LYRM4: variants seen among roughly 807,000 people sequenced by gnomAD.
The protein encoded by LYRM4 is LYR motif containing 4.
In LYRM4, 9 loss-of-function variants were observed where a neutral mutation model predicts 11.7. The ratio of observed to expected loss-of-function variants is 0.77; its 90% confidence interval spans 0.46 to 1.34. The LOEUF (loss-of-function observed/expected upper bound fraction) is 1.34, where lower values mean the gene tolerates loss of function less well. Ranked by LOEUF, LYRM4 falls within the 40% of genes most tolerant of loss-of-function variation. LYRM4 has a pLI of 0.00. For synonymous variants in LYRM4, 42 were observed against 40.4 expected (o/e 1.04, Z -0.15); for missense variants, 133 against 112.5 (o/e 1.18, Z -0.82).
the LYRM4 span, among the ~76,000 whole-genome samples, chr6:5,046,258 T>A: frequency 1.1e-4 from 17 of 152,246 alleles, no homozygotes; most frequent in African/African-American, 3.9e-4. Flanking sequence ...GCCATTCTCC[T>A]GCCTCAGCCT....
At chr6:5,086,281 G>C in the LYRM4 span, 1 of 1,535,578 alleles carries the variant, frequency 6.5e-7, no homozygotes. Flanking sequence ...CGTGCCGGCT[G>C]AGCTGCAGCC....
intron 2 of LYRM4, among the ~76,000 whole-genome samples, chr6:5,165,788 C>G (rs553491042): frequency 3.9e-5 from 6 of 152,278 alleles, no homozygotes; most frequent in Non-Finnish European, 8.8e-5. Flanking sequence ...GGTGATCTAC[C>G]TGCCTCGGCC....
At chr6:5,246,555 G>C (rs1764205377) in intron 1 of LYRM4, among the ~76,000 whole-genome samples, 1 of 152,208 alleles carries the variant, frequency 6.6e-6, no homozygotes, top group South Asian at 2.1e-4. Flanking sequence ...ACAGTAAGGA[G>C]GGCAGGGTGC....
chr6:5,210,910 T>C (rs1761956901), intron 2 of LYRM4, among the ~76,000 whole-genome samples: 1 of 152,186 alleles, frequency 6.6e-6, no homozygotes, highest in East Asian at 1.9e-4. Flanking sequence ...TATCCATTCA[T>C]TGTTGATGGA....
intron 2 of LYRM4, among the ~76,000 whole-genome samples, chr6:5,210,252 A>G (rs1438190897): frequency 6.6e-6 from 1 of 152,210 alleles, no homozygotes; most frequent in Non-Finnish European, 1.5e-5. Flanking sequence ...TAAATAGAGA[A>G]GAAGGGGACA....
chr6:5,229,834 T>G (rs1388656123), intron 1 of LYRM4, among the ~76,000 whole-genome samples: 1 of 152,194 alleles, frequency 6.6e-6, no homozygotes, highest in Non-Finnish European at 1.5e-5. Flanking sequence ...ACATCACCAT[T>G]CTATAGCAGA....
the LYRM4 span, among the ~76,000 whole-genome samples, chr6:5,091,318 C>T: frequency 6.6e-6 from 1 of 152,176 alleles, no homozygotes; most frequent in South Asian, 2.1e-4. Context: ...GCTTGGAAAC[C>T]TGGGACACAC....
At chr6:5,077,240 C>G in the LYRM4 span, among the ~76,000 whole-genome samples, 2 of 152,244 alleles carry the variant, frequency 1.3e-5, no homozygotes, top group Admixed American at 6.5e-5. Context: ...AAGACATGGT[C>G]TCTGTCATAC....
intron 2 of LYRM4, among the ~76,000 whole-genome samples, chr6:5,130,955 A>G (rs999101631): frequency 1.3e-5 from 2 of 152,268 alleles, no homozygotes; most frequent in Admixed American, 1.3e-4. Context: ...ATAACATAAG[A>G]CAGAATAAAA....
intron 2 of LYRM4, among the ~76,000 whole-genome samples, chr6:5,114,853 T>C (rs72809834): frequency 0.013 from 1,939 of 152,296 alleles, 19 homozygotes; most frequent in South Asian, 0.027. Flanking sequence ...AGGCTGTGGG[T>C]TGGACAAGCT....
At chr6:5,214,523 A>C (rs1762158472) in intron 2 of LYRM4, among the ~76,000 whole-genome samples, 1 of 152,164 alleles carries the variant, frequency 6.6e-6, no homozygotes, top group Non-Finnish European at 1.5e-5. Flanking sequence ...TCTTTTGAAA[A>C]AGATCACTGT....
chr6:5,091,844 G>A, the LYRM4 span, among the ~76,000 whole-genome samples: 1 of 152,210 alleles, frequency 6.6e-6, no homozygotes, highest in Non-Finnish European at 1.5e-5. Context: ...TTCTGGTAAG[G>A]CAAAGCCATT....
the LYRM4 span, among the ~76,000 whole-genome samples, chr6:5,091,235 C>T: frequency 4.6e-4 from 70 of 152,312 alleles, 1 homozygote; most frequent in East Asian, 6.9e-3. Context: ...GCTGACAATC[C>T]GGGCTCATTG....
At chr6:5,159,375 C>T (rs1165481663) in intron 2 of LYRM4, among the ~76,000 whole-genome samples, 1 of 152,136 alleles carries the variant, frequency 6.6e-6, no homozygotes, top group African/African-American at 2.4e-5. Flanking sequence ...AGGGGTGTTT[C>T]AAAAACCAGT....
At chr6:5,125,580 C>T (rs1763664327) in intron 2 of LYRM4, among the ~76,000 whole-genome samples, 1 of 152,204 alleles carries the variant, frequency 6.6e-6, no homozygotes, top group East Asian at 1.9e-4. Context: ...GAACAAGAAT[C>T]CCAGAGTGGT....
chr6:5,160,896 C>T (rs764555268), intron 2 of LYRM4, among the ~76,000 whole-genome samples: 23 of 152,172 alleles, frequency 1.5e-4, no homozygotes, highest in South Asian at 6.2e-4. Flanking sequence ...GGGGAGCAAA[C>T]GATTTAGACC....
rs542366190 is a variant in LYRM4 at position 5,204,536 on chromosome 6, C to T, written c.207+12082G>A. Reference sequence around the variant, plus strand: ...CTCCCAAACAGGTAACTGACTTCTCCCTCCCTCTCTTCCCATGTGAAATGC... The same window carrying T: ...CTCCCAAACAGGTAACTGACTTCTCTCTCCCTCTCTTCCCATGTGAAATGC... On this transcript the variant is annotated intron_variant, in intron 2 of 2. Transcript: ENST00000330636. Among the ~76,000 whole-genome samples the T allele has an allele frequency of 1.2e-4, 18 of 152,240 alleles. 1 individual carries two copies. The South Asian group carries it at 3.7e-3, about 32-fold the overall frequency.
intron 2 of LYRM4, among the ~76,000 whole-genome samples, chr6:5,133,811 T>C (rs1261145822): frequency 6.6e-6 from 1 of 152,190 alleles, no homozygotes; most frequent in Non-Finnish European, 1.5e-5. Context: ...CTAATCTATG[T>C]TCTGTTTCTA....
chr6:5,236,483 A>G (rs1763552546), intron 1 of LYRM4: 1 of 152,092 alleles, frequency 6.6e-6, no homozygotes, highest in South Asian at 2.1e-4. Flanking sequence ...GGAAAAAAAA[A>G]AAGTGTTAGA....
Sources: allele counts gnomAD v4.1 joint callset (sites outside exome capture counted in the v4.1 genomes callset), GRCh38; gene constraint gnomAD v4.1.1; transcripts MANE v1.5; gene names NCBI Gene and HGNC (gene_info 2026-07-23, HGNC 2026-07-21).